Variants in SHTN1 observed in about 807,000 individuals in gnomAD.
SHTN1 encodes shootin 1, also known as shootin-1.
Under a neutral mutation model 83.1 loss-of-function variants are expected in SHTN1, and 42 were observed. The ratio of observed to expected loss-of-function variants is 0.51; its 90% CI spans 0.39 to 0.65. The LOEUF (loss-of-function observed/expected upper bound fraction) is 0.65. Among genes scored for constraint, SHTN1 ranks in the 30% least tolerant of loss-of-function variants. The pLI, the probability that SHTN1 is intolerant of heterozygous loss-of-function variation, is 0.00. For synonymous variants in SHTN1, 224 were observed against 247.7 expected, an observed-to-expected ratio of 0.90 and a Z score of 0.90; for missense variants, 622 against 737.8, an observed-to-expected ratio of 0.84 and a Z score of 1.82.
At chr10:116,944,133 C>G (rs1382902080) in intron 8 of SHTN1, among the ~76,000 whole-genome samples, 1 of 152,150 alleles carries the variant, frequency 6.6e-6, no homozygotes, top group East Asian at 1.9e-4. Context: ...AAGAGAAATA[C>G]TGATACCATA....
intron 1 of SHTN1, among the ~76,000 whole-genome samples, chr10:117,052,193 T>C (rs1196476700): frequency 2.0e-5 from 3 of 151,230 alleles, no homozygotes; most frequent in East Asian, 1.9e-4. Context: ...ATCAAAAGGA[T>C]CAAAATACTT....
intron 12 of SHTN1, 52 bp from the exon 13 acceptor site, chr10:116,915,536 C>A (rs1329263812): frequency 2.9e-6 from 3 of 1,036,000 alleles, no homozygotes; most frequent in East Asian, 4.8e-5. Context: ...AAAACAGCTA[C>A]TTCCTATTTT....
At chr10:116,916,386 C>T (rs1159242269) in intron 12 of SHTN1, among the ~76,000 whole-genome samples, 4 of 152,162 alleles carry the variant, frequency 2.6e-5, no homozygotes, top group Non-Finnish European at 5.9e-5. Flanking sequence ...TAGCTCATTG[C>T]AGCCAACATA....
chr10:116,975,838 A>T (rs559412297), intron 2 of SHTN1, among the ~76,000 whole-genome samples: 1 of 152,302 alleles, frequency 6.6e-6, no homozygotes, highest in South Asian at 2.1e-4. Flanking sequence ...AACACATGTG[A>T]ATGTTTTGAC....
At chr10:117,032,728 C>T (rs1225675074) in intron 2 of SHTN1, among the ~76,000 whole-genome samples, 1 of 152,072 alleles carries the variant, frequency 6.6e-6, no homozygotes, top group Non-Finnish European at 1.5e-5. Flanking sequence ...CAGTCAGCTG[C>T]AGAATACACA....
intron 1 of SHTN1, among the ~76,000 whole-genome samples, chr10:117,081,834 T>C (rs1481826416): frequency 6.6e-6 from 1 of 151,768 alleles, no homozygotes; most frequent in Non-Finnish European, 1.5e-5. Context: ...GAGGTGTTTG[T>C]AGTATTCTCT....
At chr10:116,985,553 A>G (rs939612601) in intron 1 of SHTN1, among the ~76,000 whole-genome samples, 7 of 152,196 alleles carry the variant, frequency 4.6e-5, no homozygotes, top group Admixed American at 2.0e-4. Flanking sequence ...AGAAGGAAGA[A>G]TGGATCTAGG....
At chr10:116,889,898 T>C (rs1847281970) in intron 16 of SHTN1, among the ~76,000 whole-genome samples, 2 of 152,200 alleles carry the variant, frequency 1.3e-5, no homozygotes, top group Non-Finnish European at 2.9e-5. Context: ...CTAGGTCCAC[T>C]CTTGGCTCCC....
intron 9 of SHTN1, among the ~76,000 whole-genome samples, chr10:116,936,145 AT>A (rs886854403): frequency 6.6e-6 from 1 of 151,252 alleles, no homozygotes; most frequent in Admixed American, 6.6e-5. Context: ...TTTTTGAAGG[AT>A]TTTTTTTGTG....
chr10:117,104,369 A>AT (rs1385568896), intron 1 of SHTN1, among the ~76,000 whole-genome samples: 2 of 152,206 alleles, frequency 1.3e-5, no homozygotes, highest in African/African-American at 4.8e-5. Flanking sequence ...TGTCATAGTT[A>AT]TTTGGGTACA....
Position 116,893,576 on chromosome 10 carries a change from G to GCGCACACACACACACACACACACACA in SHTN1, c.1674-7011_1674-7010insTGTGTGTGTGTGTGTGTGTGTGTGCG, listed in dbSNP as rs1554905664. ...CCCCCTCCCTGATAGGCACTCATGT[G>GCGCACACACACACACACACACACACA]CACACACACACACACACACACGAGA... On this transcript the variant is annotated intron_variant, in intron 16 of 16. Transcript: ENST00000355371. Among the ~76,000 whole-genome samples, 410 of 123,576 alleles carry GCGCACACACACACACACACACACACA rather than the reference G, an allele frequency of 3.3e-3. 3 individuals are homozygous for GCGCACACACACACACACACACACACA. Among genetic ancestry groups the GCGCACACACACACACACACACACACA allele is most frequent in the South Asian group, 0.016 (54 of 3,292 alleles). The allele number at this position is 123,576 out of a possible 152,430, so 81.1% of individuals were successfully genotyped here. A position where few individuals can be genotyped will look rare whatever the true frequency, so the allele number is the denominator to read the frequency against.
At chr10:117,059,044 T>C (rs1442221939) in intron 1 of SHTN1, among the ~76,000 whole-genome samples, 1 of 152,122 alleles carries the variant, frequency 6.6e-6, no homozygotes, top group Non-Finnish European at 1.5e-5. Context: ...AAAAGAGTTA[T>C]AGAAATGGAT....
intron 1 of SHTN1, among the ~76,000 whole-genome samples, chr10:117,088,073 A>C (rs1853375748): frequency 6.6e-6 from 1 of 152,238 alleles, no homozygotes; most frequent in African/African-American, 2.4e-5. Context: ...GTTCTGCTGT[A>C]TTGTTTGTTG....
chr10:116,941,830 A>C (rs2133399114), intron 8 of SHTN1, among the ~76,000 whole-genome samples: 1 of 152,304 alleles, frequency 6.6e-6, no homozygotes, highest in East Asian at 1.9e-4. Flanking sequence ...GTATACTAAA[A>C]CACTAACATT....
chr10:116,899,727 T>C lies in SHTN1; in HGVS notation c.1673+2038A>G, dbSNP rs117092502. The stretch of plus-strand genomic sequence containing the variant: ...GTTAACTACTAGAATGCAAAGACAG[T>C]TTTTAAAAGCAAAGGAAATACTTTA... On this transcript the variant is annotated intron_variant, in intron 16 of 16. Coordinates refer to ENST00000355371, the MANE Select transcript of SHTN1 (RefSeq NM_001127211.3). Among the ~76,000 whole-genome samples the C allele has an allele frequency of 4.7e-4, 71 of 152,268 alleles. 1 individual carries two copies. In the East Asian group the frequency reaches 0.013, roughly 29 times the overall value.
At chr10:116,978,493 C>T (rs1003670625) in intron 2 of SHTN1, among the ~76,000 whole-genome samples, 25 of 151,758 alleles carry the variant, frequency 1.6e-4, no homozygotes, top group African/African-American at 5.6e-4. Flanking sequence ...TATCTAAAAC[C>T]GAAAATAGGC....
intron 1 of SHTN1, among the ~76,000 whole-genome samples, chr10:117,117,553 T>C (rs958025577): frequency 1.3e-5 from 2 of 152,158 alleles, no homozygotes; most frequent in Admixed American, 6.6e-5. Context: ...CTAAAACTTA[T>C]ATGGAACCAC....
intron 8 of SHTN1, among the ~76,000 whole-genome samples, chr10:116,942,792 G>C (rs903113743): frequency 6.6e-6 from 1 of 152,144 alleles, no homozygotes; most frequent in African/African-American, 2.4e-5. Context: ...CAAGAGGGTA[G>C]GGCTCACATT....
At position 116,921,486 on chromosome 10, in the gene SHTN1, G is replaced by A. The variant is rs760498569; in HGVS notation, c.1143C>T (p.Ser381=). 1 of 1,613,584 alleles carries A rather than the reference G, an allele frequency of 6.2e-7. No homozygotes were observed. Among genetic ancestry groups the A allele is most frequent in the Admixed American group, 1.7e-5 (1 of 59,956 alleles). ...TCTTAGCACCACTGCCACTGGGGTG[G>A]GATCGTTTCCGGATCATGGACATGA... ...RSLMSMIRKR[S]HPSGSGAKKE... The change falls in exon 12 of 17, where the codon TCC becomes TCT. Residue 381 remains serine (S), a synonymous_variant. Coordinates refer to ENST00000355371, the MANE Select transcript of SHTN1 (RefSeq NM_001127211.3).
Sources: allele counts gnomAD v4.1 joint callset (sites outside exome capture counted in the v4.1 genomes callset), GRCh38; gene constraint gnomAD v4.1.1; transcripts MANE v1.5; gene names NCBI Gene and HGNC (gene_info 2026-07-23, HGNC 2026-07-21).